Variants in ARMH4 observed in about 807,000 individuals in gnomAD.
ARMH4 encodes armadillo like helical domain containing 4, also known as armadillo-like helical domain-containing protein 4.
ARMH4 carries 49 observed loss-of-function variants against 61.9 expected under a neutral mutation model. The observed-to-expected ratio is 0.79, with a 90% CI of 0.63 to 1.00. ARMH4 has a LOEUF of 1.00. Ranked by LOEUF, ARMH4 falls within the 50% of genes least tolerant of loss-of-function variation. ARMH4 has a pLI of 0.00. For synonymous variants in ARMH4, 368 were observed against 341.5 expected (o/e 1.08, Z -0.85); for missense variants, 934 against 930.0 (o/e 1.00, Z -0.06).
chr14:58,111,483 C>T (rs1450291327), intron 4 of ARMH4, among the ~76,000 whole-genome samples: 2 of 152,122 alleles, frequency 1.3e-5, no homozygotes, highest in African/African-American at 4.8e-5. Flanking sequence ...TAACAAAATT[C>T]CAGAAACTAG....
At chr14:58,046,922 A>G (rs1325523226) in intron 5 of ARMH4, among the ~76,000 whole-genome samples, 1 of 152,242 alleles carries the variant, frequency 6.6e-6, no homozygotes, top group African/African-American at 2.4e-5. Flanking sequence ...ATAAAACCAA[A>G]ACAAATTCCT....
chr14:58,005,007 G>A (rs1173916857), intron 7 of ARMH4, 41 bp downstream of exon 7: 3 of 1,612,640 alleles, frequency 1.9e-6, no homozygotes, highest in Non-Finnish European at 1.7e-6. Context: ...AGCAAAGAAT[G>A]TTCTGAAACT....
At position 58,046,294 on chromosome 14, in the gene ARMH4, ATGTTCTAATGACC is replaced by A. The variant is rs773855100; in HGVS notation, c.2090-34157_2090-34145del. Among the ~76,000 whole-genome samples the A allele has an allele frequency of 3.9e-5, 6 of 152,292 alleles. No homozygotes were observed. The South Asian group carries it at 1.2e-3, about 32-fold the overall frequency. On this transcript the variant is annotated intron_variant, in intron 5 of 7. Transcript: ENST00000267485. ...TAGCAGTAATCAAGAACTTGCTGAG[ATGTTCTAATGACC>A]TGAGTCACCTCTTTGTTCTGAGGGG...
At chr14:58,147,945 T>G (rs1449710658) in intron 1 of ARMH4, among the ~76,000 whole-genome samples, 2 of 152,200 alleles carry the variant, frequency 1.3e-5, no homozygotes, top group Non-Finnish European at 2.9e-5. Flanking sequence ...AATCCATCTC[T>G]AATAAGGCAA....
At chr14:58,029,178 A>G (rs1038488932) in intron 5 of ARMH4, among the ~76,000 whole-genome samples, 1 of 151,694 alleles carries the variant, frequency 6.6e-6, no homozygotes, top group Non-Finnish European at 1.5e-5. Flanking sequence ...GACATTTCAT[A>G]TAAGTTGAAT....
At chr14:58,021,181 C>T (rs894869060) in intron 5 of ARMH4, among the ~76,000 whole-genome samples, 13 of 152,166 alleles carry the variant, frequency 8.5e-5, no homozygotes, top group Non-Finnish European at 8.8e-5. Flanking sequence ...AAATGCGATA[C>T]GGTCTGGCTG....
chr14:58,057,847 C>T (rs535205043), intron 5 of ARMH4, among the ~76,000 whole-genome samples: 2 of 152,274 alleles, frequency 1.3e-5, no homozygotes, highest in East Asian at 3.9e-4. Flanking sequence ...ACCTATGCAA[C>T]CACTCTACTT....
At chr14:58,132,979 A>C in intron 3 of ARMH4, 111 bp downstream of exon 3, 1 of 1,124,314 alleles carries the variant, frequency 8.9e-7, no homozygotes, top group Non-Finnish European at 1.3e-6. Context: ...GTGTACGTGC[A>C]CGCACGCGCG....
chr14:58,058,454 T>C (rs1884419750), intron 5 of ARMH4, among the ~76,000 whole-genome samples: 1 of 152,180 alleles, frequency 6.6e-6, no homozygotes, highest in African/African-American at 2.4e-5. Flanking sequence ...TTCTTGATTA[T>C]GTGCTAAACT....
At chr14:58,118,113 GT>G (rs1886593424) in intron 4 of ARMH4, among the ~76,000 whole-genome samples, 1 of 152,132 alleles carries the variant, frequency 6.6e-6, no homozygotes, top group Non-Finnish European at 1.5e-5. Context: ...AGGAGAATAA[GT>G]TTGAGCTGAA....
chr14:58,016,032 A>AAGAGGTGG (rs1882599233), intron 5 of ARMH4, among the ~76,000 whole-genome samples: 1 of 152,026 alleles, frequency 6.6e-6, no homozygotes, highest in Admixed American at 6.5e-5. Context: ...TTCAAAGGTA[A>AAGAGGTGG]AGAGGTGGAG....
chr14:58,131,637 C>G lies in ARMH4; in HGVS notation c.1706G>C (p.Gly569Ala). 4 of 1,614,192 alleles carry G rather than the reference C, an allele frequency of 2.5e-6. No individual in the cohort carries two copies. Among genetic ancestry groups the G allele is most frequent in the Non-Finnish European group, 3.4e-6 (4 of 1,180,042 alleles). Residue 569 changes from glycine (G) to alanine (A), a missense_variant, in exon 4 of 8, where the codon GGG becomes GCG. Transcript: ENST00000267485. ...SPVTPPGIMVGEPSISPALPA... is the reference protein window; with the variant it reads ...SPVTPPGIMVAEPSISPALPA... Reference sequence around the variant, plus strand: ...AAGTGCAGGGGAAATGCTGGGTTCCCCCACCATTATTCCAGGAGGTGTCAC... The same window carrying G: ...AAGTGCAGGGGAAATGCTGGGTTCCGCCACCATTATTCCAGGAGGTGTCAC...
intron 5 of ARMH4, 31 bp downstream of exon 5, chr14:58,096,693 G>A (rs1386889790): frequency 6.3e-7 from 1 of 1,594,618 alleles, no homozygotes; most frequent in Non-Finnish European, 8.6e-7. Context: ...AGGGGAGAAG[G>A]GAGGAAAAGG....
intron 5 of ARMH4, among the ~76,000 whole-genome samples, chr14:58,046,569 T>C (rs1594719747): frequency 6.6e-6 from 1 of 152,296 alleles, no homozygotes; most frequent in East Asian, 1.9e-4. Flanking sequence ...AGCCCAAACC[T>C]GTTGCTTAGC....
At chr14:58,004,847 A>C (rs765617039) in intron 7 of ARMH4, 43 bp from the exon 8 acceptor site, 1 of 1,579,524 alleles carries the variant, frequency 6.3e-7, no homozygotes, top group Non-Finnish European at 8.7e-7. Context: ...TTTCTGCCAC[A>C]GAGCAAAGCT....
chr14:58,094,782 A>C (rs1035585011), intron 5 of ARMH4, among the ~76,000 whole-genome samples: 1 of 152,180 alleles, frequency 6.6e-6, no homozygotes, highest in Non-Finnish European at 1.5e-5. Context: ...GGGGTTGAGG[A>C]CTGGAGGAGG....
chr14:58,053,925 T>C (rs1415692967), intron 5 of ARMH4, among the ~76,000 whole-genome samples: 1 of 152,210 alleles, frequency 6.6e-6, no homozygotes, highest in Non-Finnish European at 1.5e-5. Context: ...CTTATAAATA[T>C]TCTATCACAT....
intron 4 of ARMH4, chr14:58,116,163 A>C (rs1886512631): frequency 6.5e-6 from 1 of 153,142 alleles, no homozygotes; most frequent in East Asian, 1.9e-4. Context: ...CTCCATTATT[A>C]ATCTATAAAA....
At chr14:58,015,814 C>T (rs1882590748) in intron 5 of ARMH4, among the ~76,000 whole-genome samples, 1 of 149,330 alleles carries the variant, frequency 6.7e-6, no homozygotes, top group South Asian at 2.1e-4. Context: ...AATCCCAGCA[C>T]TTCGGGAGGC....
Sources: allele counts gnomAD v4.1 joint callset (sites outside exome capture counted in the v4.1 genomes callset), GRCh38; gene constraint gnomAD v4.1.1; transcripts MANE v1.5; gene names NCBI Gene and HGNC (gene_info 2026-07-23, HGNC 2026-07-21).